ARHGEF40: variants seen among roughly 807,000 people sequenced by gnomAD.
ARHGEF40 encodes the protein Rho guanine nucleotide exchange factor (GEF) 40.
ARHGEF40 carries 98 observed loss-of-function variants against 165.9 expected under a neutral mutation model. The ratio of observed to expected loss-of-function variants is 0.59; its 90% CI spans 0.50 to 0.70. The LOEUF (loss-of-function observed/expected upper bound fraction) is 0.70. Ranked by LOEUF, ARHGEF40 falls within the 30% of genes least tolerant of loss-of-function variation. ARHGEF40 has a pLI of 0.00. For missense variants in ARHGEF40, 1,815 were observed against 1,968.0 expected (o/e 0.92, Z 1.47); for synonymous variants, 792 against 814.3 (o/e 0.97, Z 0.47).
At chr14:21,083,605 C>T (rs1397267476) in intron 16 of ARHGEF40, among the ~76,000 whole-genome samples, 1 of 152,174 alleles carries the variant, frequency 6.6e-6, no homozygotes, top group Non-Finnish European at 1.5e-5. Flanking sequence ...AAGGGGATTA[C>T]TATTTTGATT....
At chr14:21,086,923 G>GAA in intron 19 of ARHGEF40, 78 bp from the exon 20 acceptor site, 1 of 1,033,248 alleles carries the variant, frequency 9.7e-7, no homozygotes, top group Non-Finnish European at 1.4e-6. Flanking sequence ...AAAAAAAAAA[G>GAA]AAAAAAATCA....
upstream of ARHGEF40, among the ~76,000 whole-genome samples, chr14:21,069,478 G>A (rs897530106): frequency 3.3e-5 from 5 of 152,238 alleles, no homozygotes; most frequent in African/African-American, 1.2e-4. Flanking sequence ...AGGTAGGGAT[G>A]CGGAAGGGAA....
intron 13 of ARHGEF40, 32 bp downstream of exon 13, chr14:21,081,048 C>A (rs764667593): frequency 3.1e-6 from 5 of 1,589,210 alleles, no homozygotes; most frequent in Non-Finnish European, 4.3e-6. Context: ...TCTGTGCCCC[C>A]CCATTTCCAT....
Position 21,074,312 on chromosome 14 carries a change from T to G in ARHGEF40, c.582T>G (p.Val194=), listed in dbSNP as rs149286422. The G allele has an allele frequency of 1.2e-6, 2 of 1,614,142 alleles. No individual in the cohort carries two copies. The highest frequency in any genetic ancestry group is 1.7e-6 in the Non-Finnish European group (2 of 1,180,016). The change falls in exon 3 of 24, where the codon GTT becomes GTG. Residue 194 remains valine (V), a synonymous_variant. Transcript: ENST00000298694. This position sits in a 1 kb window ranked among gnomAD's most constrained non-coding sequence, Gnocchi z 4.8. ...PRFVHKEGLM[V]GHQPSTLPPE... ...TTGTGCACAAAGAGGGCCTCATGGT[T>G]GGACATCAGCCAAGTACACTGCCCC... is the stretch of plus-strand genomic sequence containing the variant.
At chr14:21,070,266 G>A, upstream of ARHGEF40, 1 of 1,020,818 alleles carries the variant, frequency 9.8e-7, no homozygotes, top group East Asian at 3.8e-5. This position sits in a 1 kb window ranked among gnomAD's most constrained non-coding sequence, Gnocchi z 4.7. Flanking sequence ...AGCCGGAGCG[G>A]GCCGAGCCGC....
chr14:21,077,706 T>C (rs150375191), intron 8 of ARHGEF40, among the ~76,000 whole-genome samples: 4 of 152,214 alleles, frequency 2.6e-5, no homozygotes, highest in African/African-American at 9.7e-5. Flanking sequence ...TGTAATTCTA[T>C]GAATATAAGT....
chr14:21,067,344 C>A (rs1257966883), upstream of ARHGEF40, among the ~76,000 whole-genome samples: 3 of 151,834 alleles, frequency 2.0e-5, no homozygotes, highest in African/African-American at 7.3e-5. Flanking sequence ...GTGCTGGCTT[C>A]TACAAAAACA....
chr14:21,086,011 G>T (rs1319842583), intron 19 of ARHGEF40, 145 bp downstream of exon 19: 2 of 981,794 alleles, frequency 2.0e-6, no homozygotes, highest in African/African-American at 3.3e-5. Flanking sequence ...TGGCTTGAGA[G>T]ATTACTGAAG....
chr14:21,076,563 G>T lies in ARHGEF40; in HGVS notation c.1837G>T (p.Asp613Tyr), dbSNP rs369204956. 1.7e-5 allele frequency: 27 copies of T among 1,614,078 alleles called. No homozygotes were observed. Among genetic ancestry groups the T allele is most frequent in the Non-Finnish European group, 2.0e-5 (24 of 1,180,048 alleles). Reference protein sequence around the residue: ...ALIPALSQLQDSGDPPLVQRL... With the variant: ...ALIPALSQLQYSGDPPLVQRL... ...TAGGGTTATTCTTTTCTGCCCTTAG[G>T]ACTCAGGAGATCCTCCCCTTGTTCA... Residue 613 changes from aspartate to tyrosine, a missense_variant and splice_region_variant, in exon 7 of 24, where the codon GAC (aspartate) becomes TAC (tyrosine). By Grantham distance (160) the Asp-to-Tyr change is radical. Coordinates refer to ENST00000298694, the MANE Select transcript of ARHGEF40 (RefSeq NM_018071.5).
At chr14:21,088,208 TG>T in intron 22 of ARHGEF40, 110 bp downstream of exon 22, 2 of 1,330,550 alleles carry the variant, frequency 1.5e-6, no homozygotes, top group South Asian at 3.0e-5. Flanking sequence ...TGTGAACTTG[TG>T]CTCCCAGCTG....
intron 21 of ARHGEF40, 156 bp downstream of exon 21, chr14:21,087,619 G>A (rs1234728136): frequency 3.7e-6 from 4 of 1,078,318 alleles, no homozygotes; most frequent in African/African-American, 3.2e-5. Flanking sequence ...CTTCCATCTG[G>A]TTGCTAGGGT....
chr14:21,085,667 G>T lies in ARHGEF40; in HGVS notation c.3961-22G>T, dbSNP rs574879087. The T allele has an allele frequency of 5.6e-6, 9 of 1,609,184 alleles. No individual in the cohort carries two copies. The Admixed American group carries it at 1.2e-4, about 21-fold the overall frequency. On this transcript the variant is annotated intron_variant, in intron 18 of 23. Coordinates refer to ENST00000298694, the MANE Select transcript of ARHGEF40 (RefSeq NM_018071.5). ...GCCAGGACTCACTCTGTCTTCACCCGCTGCCCTCTGCTCTTCCTCAGACTG... is the reference window on the plus strand; with the variant it reads ...GCCAGGACTCACTCTGTCTTCACCCTCTGCCCTCTGCTCTTCCTCAGACTG...
chr14:21,070,428 C>T lies in ARHGEF40; in HGVS notation c.3+29C>T. 1 of 1,401,232 alleles carries T rather than the reference C, an allele frequency of 7.1e-7. No individual in the cohort carries two copies. The highest frequency in any genetic ancestry group is 9.2e-7 in the Non-Finnish European group (1 of 1,086,328). 86.8% of individuals were successfully genotyped at this position (1,401,232 alleles called of 1,614,324 possible). ...AGTCCAGCGTCGCAGCCCCCTGGGT[C>T]CCCTCGGCCTTCGCGCAGCCCGCTC... On this transcript the variant is annotated intron_variant, in intron 1 of 23. Transcript: ENST00000298694. The surrounding 1 kb of genome is among the most constrained non-coding windows in gnomAD (Gnocchi z 4.7).
rs1427130623 is a variant in ARHGEF40 at position 21,084,815 on chromosome 14, A to C, written c.3852A>C (p.Arg1284=). 2.5e-6 allele frequency: 4 copies of C among 1,614,232 alleles called. No individual in the cohort carries two copies. The South Asian group carries it at 4.4e-5, about 18-fold the overall frequency. The change falls in exon 18 of 24, where the codon CGA becomes CGC. Residue 1284 remains arginine (R), a synonymous_variant. Coordinates refer to ENST00000298694, the MANE Select transcript of ARHGEF40 (RefSeq NM_018071.5). ...HRDPFTVICG[R]KKCLRHVFLF... ...ACCCCTTCACTGTCATCTGTGGCCG[A>C]AAGAAGTGCCTTCGCCATGTCTTTC... is the stretch of plus-strand genomic sequence containing the variant.
Position 21,075,461 on chromosome 14 carries a change from C to T in ARHGEF40, c.1580C>T (p.Ala527Val). ...AVSVSDHPDVAWDLMASGFLI... is the reference protein window; with the variant it reads ...AVSVSDHPDVVWDLMASGFLI... ...TCCGTCTCTGATCACCCTGATGTAGCTTGGGACTTGATGGCATCTGGATTC... is the reference window on the plus strand; with the variant it reads ...TCCGTCTCTGATCACCCTGATGTAGTTTGGGACTTGATGGCATCTGGATTC... Residue 527 changes from alanine (A) to valine (V), a missense_variant, in exon 4 of 24, where the codon GCT (alanine) becomes GTT (valine). By Grantham distance (64) the Ala-to-Val change is moderately conservative (BLOSUM62 0). Transcript: ENST00000298694. The surrounding 1 kb of genome is among the most constrained non-coding windows in gnomAD (Gnocchi z 4.5). 6.2e-7 allele frequency: 1 copy of T among 1,614,164 alleles called. No individual in the cohort carries two copies. Among genetic ancestry groups the T allele is most frequent in the Non-Finnish European group, 8.5e-7 (1 of 1,180,040 alleles).
At chr14:21,081,315 T>C in intron 13 of ARHGEF40, 194 bp from the exon 14 acceptor site, 1 of 836,238 alleles carries the variant, frequency 1.2e-6, no homozygotes, top group South Asian at 1.8e-5. Context: ...TATTCTTTTA[T>C]ATAGGCTCTT....
chr14:21,075,059 T>G lies in ARHGEF40; in HGVS notation c.1329T>G (p.Ser443=). The G allele has an allele frequency of 6.2e-7, 1 of 1,614,088 alleles. No individual in the cohort carries two copies. The highest frequency in any genetic ancestry group is 8.5e-7 in the Non-Finnish European group (1 of 1,180,034). Residue 443 remains serine, a synonymous_variant, in exon 3 of 24, where the codon TCT becomes TCG. Transcript: ENST00000298694. The surrounding 1 kb of genome is among the most constrained non-coding windows in gnomAD (Gnocchi z 4.5). ...ATGAAGGCTCAGGGAAGCCAGAATC[T>G]GAGCCAAAAGAGCTCAAAACAGCAG... is the stretch of plus-strand genomic sequence containing the variant. ...EEYEGSGKPE[S]EPKELKTAGE...
intron 8 of ARHGEF40, among the ~76,000 whole-genome samples, chr14:21,077,847 G>C (rs1490561257): frequency 6.6e-6 from 1 of 152,224 alleles, no homozygotes; most frequent in Non-Finnish European, 1.5e-5. Context: ...GAGAGAGGGG[G>C]TGTGACAGGG....
At position 21,084,876 on chromosome 14, in the gene ARHGEF40, G is replaced by A. The variant is rs370853171; in HGVS notation, c.3913G>A (p.Gly1305Ser). Reference protein sequence around the residue: ...EHLLLFSKLKGPEGGSEMFVY... With the variant: ...EHLLLFSKLKSPEGGSEMFVY... ...TCTCCTCCTGTTCAGCAAGCTCAAG[G>A]GCCCTGAAGGGGGGTCAGAGATGTT... The change falls in exon 18 of 24, where the codon GGC becomes AGC. Residue 1305 changes from glycine (G) to serine (S), a missense_variant. Gly to Ser is a moderately conservative substitution (Grantham distance 56). Transcript: ENST00000298694. 5.6e-6 allele frequency: 9 copies of A among 1,614,136 alleles called. No homozygotes were observed. Among genetic ancestry groups the A allele is most frequent in the Non-Finnish European group, 7.6e-6 (9 of 1,180,016 alleles).
Sources: gnomAD v4.1 joint callset for allele counts (sites outside exome capture counted in the v4.1 genomes callset) on GRCh38, gnomAD v4.1.1 for gene constraint, Gnocchi (gnomAD v3.1) non-coding constraint, MANE v1.5 for transcripts, NCBI Gene and HGNC (gene_info 2026-07-23, HGNC 2026-07-21) for gene names.